NEDD9: variants seen among roughly 807,000 people sequenced by gnomAD.
NEDD9 encodes the protein enhancer of filamentation 1.
A neutral mutation model predicts 76.6 loss-of-function variants in NEDD9; 26 were observed. The ratio of observed to expected loss-of-function variants is 0.34; its 90% confidence interval spans 0.25 to 0.47. The LOEUF (loss-of-function observed/expected upper bound fraction) is 0.47. Among genes scored for constraint, NEDD9 ranks in the 20% least tolerant of loss-of-function variants. The pLI is 1.00. For synonymous variants in NEDD9, 392 were observed against 414.2 expected (o/e 0.95, Z 0.65); for missense variants, 937 against 1,058.5 (o/e 0.89, Z 1.59).
intron 3 of NEDD9, among the ~76,000 whole-genome samples, chr6:11,266,044 G>T (rs1444493884): frequency 6.6e-6 from 1 of 151,324 alleles, no homozygotes; most frequent in African/African-American, 2.4e-5. Context: ...GGGAGAGGGG[G>T]TGGGAAGGGA....
intron 3 of NEDD9, among the ~76,000 whole-genome samples, chr6:11,286,151 AAAC>A (rs1760644823): frequency 1.3e-5 from 2 of 152,238 alleles, no homozygotes; most frequent in Non-Finnish European, 2.9e-5. Flanking sequence ...AATAATAAGA[AAAC>A]AAACCAAATA....
At chr6:11,373,508 G>GT (rs57844872) in intron 1 of NEDD9, among the ~76,000 whole-genome samples, 4,823 of 152,250 alleles carry the variant, frequency 0.032, 152 homozygotes, top group African/African-American at 0.08. Flanking sequence ...TACTGCGAGT[G>GT]TTTTAATTAC....
rs1026464312 is a variant in NEDD9 at position 11,241,963 on chromosome 6, C to A, written c.13-28236G>T. ...GGAATGTGGCGGGAACACAGCACACCCTGCACGGTTCAAGCCAAGCTTTTG... is the reference window on the plus strand; with the variant it reads ...GGAATGTGGCGGGAACACAGCACACACTGCACGGTTCAAGCCAAGCTTTTG... On this transcript the variant is annotated intron_variant, in intron 3 of 3. Transcript: ENST00000397378. This position sits in a 1 kb window ranked among gnomAD's most constrained non-coding sequence, Gnocchi z 4.0. Among the ~76,000 whole-genome samples, 1 of 152,206 alleles carries A rather than the reference C, an allele frequency of 6.6e-6. No homozygotes were observed. Among genetic ancestry groups the A allele is most frequent in the Non-Finnish European group, 1.5e-5 (1 of 68,036 alleles).
At chr6:11,310,055 GTGTGTGTC>G (rs898801616) in intron 2 of NEDD9, among the ~76,000 whole-genome samples, 1 of 152,176 alleles carries the variant, frequency 6.6e-6, no homozygotes, top group Non-Finnish European at 1.5e-5. Flanking sequence ...TTTCACAGGG[GTGTGTGTC>G]CCCAGAGCAT....
chr6:11,305,184 G>A (rs946643689), intron 3 of NEDD9: 4 of 1,239,600 alleles, frequency 3.2e-6, no homozygotes, highest in African/African-American at 3.1e-5. Context: ...ACAGTTGATC[G>A]ATCTCAATAG....
intron 1 of NEDD9, among the ~76,000 whole-genome samples, chr6:11,373,051 A>G (rs1010124305): frequency 6.6e-6 from 1 of 152,240 alleles, no homozygotes; most frequent in African/African-American, 2.4e-5. Context: ...TAAAGCTAAC[A>G]AAGAAACAGA....
Position 11,359,349 on chromosome 6 carries a change from G to T in NEDD9, c.-214+22790C>A, listed in dbSNP as rs183377732. Among the ~76,000 whole-genome samples the T allele has an allele frequency of 7.8e-4, 119 of 152,346 alleles. 1 individual carries two copies. The highest frequency in any genetic ancestry group is 2.7e-3 in the African/African-American group (111 of 41,578). ...GGGCCTTTGCCCAGGAAGCTACAGGGATCATTTGCCATATTTGGATTTCTC... is the reference window on the plus strand; with the variant it reads ...GGGCCTTTGCCCAGGAAGCTACAGGTATCATTTGCCATATTTGGATTTCTC... On this transcript the variant is annotated intron_variant, in intron 1 of 3. Coordinates refer to the NEDD9 transcript ENST00000397378.
chr6:11,344,459 A>G (rs979661579), intron 1 of NEDD9, among the ~76,000 whole-genome samples: 2 of 152,254 alleles, frequency 1.3e-5, no homozygotes, highest in Non-Finnish European at 2.9e-5. Context: ...CTTCCAAAGA[A>G]AAGATCAAGC....
chr6:11,208,439 G>A (rs1248541903), intron 2 of NEDD9, among the ~76,000 whole-genome samples: 3 of 152,236 alleles, frequency 2.0e-5, no homozygotes, highest in Non-Finnish European at 4.4e-5. Flanking sequence ...AGATGGTAAT[G>A]AGCTGAACCA....
chr6:11,197,129 A>C (rs1758313523), intron 2 of NEDD9, among the ~76,000 whole-genome samples: 1 of 152,178 alleles, frequency 6.6e-6, no homozygotes, highest in African/African-American at 2.4e-5. Context: ...TCAAGTTTGG[A>C]AGAATTCTCC....
At chr6:11,319,740 A>C (rs1012761783) in intron 2 of NEDD9, among the ~76,000 whole-genome samples, 4 of 126,274 alleles carry the variant, frequency 3.2e-5, no homozygotes, top group Admixed American at 2.2e-4. Context: ...ACTAACATGC[A>C]CACACACACT....
chr6:11,256,057 A>G (rs763275985), intron 3 of NEDD9, among the ~76,000 whole-genome samples: 4 of 152,102 alleles, frequency 2.6e-5, no homozygotes, highest in Non-Finnish European at 4.4e-5. Context: ...AGTGAAAAGA[A>G]TTTCCCAAGT....
chr6:11,217,948 C>A (rs963057252), intron 1 of NEDD9, among the ~76,000 whole-genome samples: 2 of 152,232 alleles, frequency 1.3e-5, no homozygotes, highest in African/African-American at 4.8e-5. Context: ...CTCTTGACCA[C>A]TCTCATCCTT....
At chr6:11,293,034 G>T (rs1760811184) in intron 3 of NEDD9, among the ~76,000 whole-genome samples, 1 of 152,198 alleles carries the variant, frequency 6.6e-6, no homozygotes, top group South Asian at 2.1e-4. Flanking sequence ...TCTACAGGTG[G>T]TTCCAGTCAC....
chr6:11,329,166 GC>G (rs1761985564), intron 2 of NEDD9, among the ~76,000 whole-genome samples: 1 of 152,198 alleles, frequency 6.6e-6, no homozygotes. Context: ...ATATGGCCTA[GC>G]ACATGTCAAA....
chr6:11,298,398 C>T (rs1030954160), intron 3 of NEDD9, among the ~76,000 whole-genome samples: 7 of 152,214 alleles, frequency 4.6e-5, no homozygotes, highest in Admixed American at 3.9e-4. Flanking sequence ...CCTTTTGACT[C>T]AACATAGATA....
chr6:11,273,794 C>A (rs1760362334), intron 3 of NEDD9, among the ~76,000 whole-genome samples: 2 of 152,148 alleles, frequency 1.3e-5, no homozygotes, highest in African/African-American at 4.8e-5. Context: ...CTGTGTTCAC[C>A]CGACAGCAAG....
chr6:11,270,366 CCT>C (rs1760277612), intron 3 of NEDD9, among the ~76,000 whole-genome samples: 1 of 144,708 alleles, frequency 6.9e-6, no homozygotes, highest in Admixed American at 6.8e-5. Flanking sequence ...CTCCCCTCAA[CCT>C]TTTTTTTTTT....
At chr6:11,306,050 C>T in exon 3 of NEDD9, 1 of 1,613,306 alleles carries the variant, frequency 6.2e-7, no homozygotes, top group Non-Finnish European at 8.5e-7. Flanking sequence ...AAGGACAATT[C>T]CGGCGTTTTA....
Sources: gnomAD v4.1 joint callset for allele counts (sites outside exome capture counted in the v4.1 genomes callset) on GRCh38, gnomAD v4.1.1 for gene constraint, Gnocchi (gnomAD v3.1) non-coding constraint, MANE v1.5 for transcripts, NCBI Gene and HGNC (gene_info 2026-07-23, HGNC 2026-07-21) for gene names.